The following SAMMSON variants were observed in gnomAD, a reference collection of about 807,000 sequenced individuals.
The protein encoded by SAMMSON is long intergenic non-protein coding RNA 1212.
chr3:70,126,757 C>A, intron 4 of SAMMSON: 2 of 237,592 alleles, frequency 8.4e-6, no homozygotes, highest in East Asian at 1.2e-4. Flanking sequence ...GCTCTGTTGC[C>A]TAGGCTGGAG....
At chr3:70,251,211 G>T (rs1213695375) in intron 6 of SAMMSON, among the ~76,000 whole-genome samples, 2 of 152,146 alleles carry the variant, frequency 1.3e-5, no homozygotes, top group East Asian at 3.9e-4. Context: ...AGGTTCTGTG[G>T]TTATTACTGT....
intron 6 of SAMMSON, among the ~76,000 whole-genome samples, chr3:70,274,369 G>T (rs1160863695): frequency 6.6e-6 from 1 of 151,294 alleles, no homozygotes; most frequent in African/African-American, 2.5e-5. Flanking sequence ...TAATTCTCTT[G>T]AAATATAGAA....
chr3:70,132,526 T>C (rs2067486694), intron 4 of SAMMSON, among the ~76,000 whole-genome samples: 1 of 152,144 alleles, frequency 6.6e-6, no homozygotes, highest in African/African-American at 2.4e-5. Flanking sequence ...CCTTGTCTTA[T>C]TCTTCCCAGC....
intron 3 of SAMMSON, chr3:70,065,434 G>C (rs982301969): frequency 6.6e-6 from 1 of 152,014 alleles, no homozygotes; most frequent in African/African-American, 2.4e-5. Flanking sequence ...AGTCTGTTGG[G>C]CCAAAGTTTT....
chr3:70,258,992 G>T (rs753775908), intron 6 of SAMMSON, among the ~76,000 whole-genome samples: 6 of 151,886 alleles, frequency 4.0e-5, no homozygotes. Context: ...ATAAAGAAGG[G>T]TGCAAGATAT....
At chr3:70,074,959 G>C (rs2067243238) in intron 4 of SAMMSON, 1 of 151,996 alleles carries the variant, frequency 6.6e-6, no homozygotes, top group African/African-American at 2.4e-5. Flanking sequence ...CAATAAAACT[G>C]GTCCCTTCTT....
chr3:70,187,400 G>A (rs1168638399), intron 4 of SAMMSON, among the ~76,000 whole-genome samples: 1 of 146,318 alleles, frequency 6.8e-6, no homozygotes, highest in East Asian at 2.1e-4. Context: ...TTATGAGACA[G>A]AGCATGAGAC....
chr3:70,169,033 G>A (rs1341725565), intron 4 of SAMMSON, among the ~76,000 whole-genome samples: 1 of 151,898 alleles, frequency 6.6e-6, no homozygotes, highest in African/African-American at 2.4e-5. Context: ...TGTCCAGAAG[G>A]AGTTCTGTAT....
chr3:70,242,947 C>G (rs1236070336), intron 4 of SAMMSON, among the ~76,000 whole-genome samples: 1 of 152,080 alleles, frequency 6.6e-6, no homozygotes, highest in Admixed American at 6.6e-5. Context: ...CAAAAAAAGA[C>G]TTTAAAAAAA....
chr3:70,337,675 C>CTAA lies in SAMMSON; in HGVS notation n.740-16500_740-16499insTAA, dbSNP rs1702675983. ...CCTCCTCCTAGGGTATGGACTTATA[C>CTAA]GCTAACTTAAATAATAATAGAGCAT... On this transcript the variant is annotated intron_variant and non_coding_transcript_variant, in intron 7 of 9. Coordinates refer to ENST00000642114, the Ensembl canonical transcript of SAMMSON. Among the ~76,000 whole-genome samples the CTAA allele has an allele frequency of 2.0e-5, 3 of 151,804 alleles. No homozygotes were observed. The South Asian group carries it at 6.2e-4, about 32-fold the overall frequency.
At chr3:70,221,735 G>T (rs1701462221) in intron 4 of SAMMSON, among the ~76,000 whole-genome samples, 1 of 152,162 alleles carries the variant, frequency 6.6e-6, no homozygotes, top group African/African-American at 2.4e-5. Flanking sequence ...TGGATGATAA[G>T]GAAATTTGGC....
At chr3:70,103,099 C>T (rs185594175) in intron 4 of SAMMSON, among the ~76,000 whole-genome samples, 1 of 152,100 alleles carries the variant, frequency 6.6e-6, no homozygotes, top group Non-Finnish European at 1.5e-5. Context: ...ACTGGAATGC[C>T]CCACCTAAAG....
At chr3:70,212,076 C>G (rs1330912788) in intron 4 of SAMMSON, among the ~76,000 whole-genome samples, 1 of 152,066 alleles carries the variant, frequency 6.6e-6, no homozygotes, top group Non-Finnish European at 1.5e-5. Flanking sequence ...TTTGTCCACA[C>G]TCACATCGTC....
At chr3:70,357,087 T>C (rs1488666990) in intron 8 of SAMMSON, among the ~76,000 whole-genome samples, 1 of 152,124 alleles carries the variant, frequency 6.6e-6, no homozygotes, top group Non-Finnish European at 1.5e-5. Flanking sequence ...ATGGTGGTGC[T>C]ATTACAAACT....
At chr3:70,329,182 T>C (rs917349878) in intron 7 of SAMMSON, among the ~76,000 whole-genome samples, 2 of 152,120 alleles carry the variant, frequency 1.3e-5, no homozygotes, top group Admixed American at 1.3e-4. Flanking sequence ...AAAAAAAGTA[T>C]AGAACTCAAG....
intron 6 of SAMMSON, among the ~76,000 whole-genome samples, chr3:70,269,125 A>C (rs771648119): frequency 1.3e-5 from 2 of 152,228 alleles, no homozygotes; most frequent in Non-Finnish European, 2.9e-5. Flanking sequence ...AATAATATTT[A>C]CAAGGCTGAC....
chr3:70,381,437 G>A (rs1159624780), intron 9 of SAMMSON, among the ~76,000 whole-genome samples: 3 of 152,268 alleles, frequency 2.0e-5, no homozygotes, highest in Middle Eastern at 6.8e-3. Flanking sequence ...ATATTTGCAG[G>A]TTGCCAAAGA....
intron 2 of SAMMSON, among the ~76,000 whole-genome samples, chr3:70,407,301 A>G (rs367808248): frequency 1.4e-4 from 22 of 152,324 alleles, no homozygotes; most frequent in Middle Eastern, 3.4e-3. Context: ...ATACTTTCCC[A>G]ACAGTCCCCC....
chr3:70,016,510 CA>C (rs1176129552), intron 3 of SAMMSON, among the ~76,000 whole-genome samples: 2 of 151,990 alleles, frequency 1.3e-5, no homozygotes, highest in Non-Finnish European at 2.9e-5. Flanking sequence ...GAGTAGATTG[CA>C]AAAATTTTCT....
Sources: gnomAD v4.1 joint callset for allele counts (sites outside exome capture counted in the v4.1 genomes callset) on GRCh38, gnomAD v4.1.1 for gene constraint, MANE v1.5 for transcripts, NCBI Gene and HGNC (gene_info 2026-07-23, HGNC 2026-07-21) for gene names.